The following PKN2 variants were observed in gnomAD, a reference collection of about 807,000 sequenced individuals.
The protein encoded by PKN2 is protein kinase N2.
In PKN2, 38 loss-of-function variants were observed where a neutral mutation model predicts 119.1. That is an observed-to-expected ratio of 0.32 (90% confidence interval 0.25 to 0.42). The LOEUF (loss-of-function observed/expected upper bound fraction) is 0.42, where lower values mean the gene tolerates loss of function less well. Among genes scored for constraint, PKN2 ranks in the 10% least tolerant of loss-of-function variants. PKN2 has a pLI of 1.00. For synonymous variants in PKN2, 390 were observed against 384.9 expected (o/e 1.01, Z -0.15); for missense variants, 850 against 1,165.1 (o/e 0.73, Z 3.94).
At chr1:88,789,085 A>G (rs1670701553) in intron 8 of PKN2, among the ~76,000 whole-genome samples, 1 of 152,204 alleles carries the variant, frequency 6.6e-6, no homozygotes, top group Non-Finnish European at 1.5e-5. Flanking sequence ...AGTGTTGTTA[A>G]GAGCAGAACT....
At chr1:88,711,269 G>A (rs1667224286) in intron 1 of PKN2, among the ~76,000 whole-genome samples, 1 of 151,560 alleles carries the variant, frequency 6.6e-6, no homozygotes, top group Non-Finnish European at 1.5e-5. Context: ...TAACAAACCT[G>A]CACTTGTACC....
chr1:88,761,780 A>T (rs572185929), intron 3 of PKN2, among the ~76,000 whole-genome samples: 1 of 152,174 alleles, frequency 6.6e-6, no homozygotes, highest in South Asian at 2.1e-4. Flanking sequence ...TTTACTTATG[A>T]TGTGATATTT....
intron 8 of PKN2, among the ~76,000 whole-genome samples, chr1:88,796,450 G>A (rs1301278701): frequency 6.6e-6 from 1 of 151,998 alleles, no homozygotes; most frequent in Admixed American, 6.6e-5. Context: ...ACTTATCTCT[G>A]CCCATGTTTT....
At chr1:88,688,127 C>A (rs1460961126) in intron 1 of PKN2, among the ~76,000 whole-genome samples, 2 of 151,992 alleles carry the variant, frequency 1.3e-5, no homozygotes, top group African/African-American at 4.8e-5. Flanking sequence ...GCACTGTCAC[C>A]CAGGCTAGAG....
At chr1:88,760,124 C>T (rs1570589285) in intron 2 of PKN2, 98 bp from the exon 3 acceptor site, 2 of 668,520 alleles carry the variant, frequency 3.0e-6, no homozygotes, top group South Asian at 1.8e-5. Context: ...AGGCTCATCT[C>T]AAAGTTTGAA....
chr1:88,791,974 A>G (rs1670859814), intron 8 of PKN2, among the ~76,000 whole-genome samples: 1 of 152,310 alleles, frequency 6.6e-6, no homozygotes, highest in African/African-American at 2.4e-5. Context: ...AGATACTTTT[A>G]ATTTTTTACA....
At chr1:88,697,241 T>C (rs1050764242) in intron 1 of PKN2, among the ~76,000 whole-genome samples, 1 of 152,166 alleles carries the variant, frequency 6.6e-6, no homozygotes, top group Non-Finnish European at 1.5e-5. Flanking sequence ...AACTAGGTCT[T>C]ACTCCTCTTT....
At chr1:88,757,092 G>GT (rs1177123415) in intron 2 of PKN2, among the ~76,000 whole-genome samples, 7 of 151,940 alleles carry the variant, frequency 4.6e-5, no homozygotes, top group Admixed American at 4.6e-4. Flanking sequence ...TTTTATATCA[G>GT]TTTTTTGGAG....
intron 16 of PKN2, among the ~76,000 whole-genome samples, chr1:88,819,708 C>T (rs748251026): frequency 4.6e-5 from 7 of 152,116 alleles, no homozygotes; most frequent in Non-Finnish European, 8.8e-5. Flanking sequence ...CACATGCACA[C>T]GTATGTTTAT....
intron 1 of PKN2, among the ~76,000 whole-genome samples, chr1:88,729,443 G>A (rs1179271686): frequency 6.6e-6 from 1 of 152,254 alleles, no homozygotes; most frequent in East Asian, 1.9e-4. Context: ...TATTCAGCTG[G>A]TGGCTAAGCT....
At position 88,721,925 on chromosome 1, in the gene PKN2, A is replaced by G. The variant is rs535300262; in HGVS notation, c.49-19063A>G. Among the ~76,000 whole-genome samples, 11 of 152,296 alleles carry G rather than the reference A, an allele frequency of 7.2e-5. No homozygotes were observed. The South Asian group carries it at 2.3e-3, about 32-fold the overall frequency. On this transcript the variant is annotated intron_variant, in intron 1 of 21. Transcript: ENST00000370521. ...GAATTTTCTGAGGTCAGTTGCTTTC[A>G]TCAGGATCCCATACAAATCTACATT...
At chr1:88,753,696 G>A (rs1048159865) in intron 2 of PKN2, among the ~76,000 whole-genome samples, 1 of 138,320 alleles carries the variant, frequency 7.2e-6, no homozygotes, top group African/African-American at 3.1e-5. Flanking sequence ...GAGTGGGAGG[G>A]GCTACACACT....
At chr1:88,822,788 A>AG (rs1346476655) in intron 17 of PKN2, among the ~76,000 whole-genome samples, 2 of 152,124 alleles carry the variant, frequency 1.3e-5, no homozygotes, top group Non-Finnish European at 2.9e-5. Context: ...CATGTTGGCC[A>AG]GGCTGGTCTT....
At chr1:88,804,739 TG>T in intron 9 of PKN2, 106 bp from the exon 10 acceptor site, 2 of 749,050 alleles carry the variant, frequency 2.7e-6, no homozygotes, top group African/African-American at 3.6e-5. Context: ...AATGAGGGGC[TG>T]GACTAAACTG....
intron 17 of PKN2, among the ~76,000 whole-genome samples, chr1:88,822,456 G>C (rs1364466115): frequency 6.6e-6 from 1 of 152,046 alleles, no homozygotes; most frequent in Non-Finnish European, 1.5e-5. Context: ...GCTGATCTCT[G>C]TAATTCGTGG....
chr1:88,827,018 C>T (rs1672526718), intron 18 of PKN2, among the ~76,000 whole-genome samples: 2 of 151,676 alleles, frequency 1.3e-5, no homozygotes, highest in Non-Finnish European at 1.5e-5. Flanking sequence ...CTAATTGTGC[C>T]CTTCAGGTCT....
Position 88,834,193 on chromosome 1 carries a change from T to C in PKN2, c.*745T>C, listed in dbSNP as rs1484891703. The C allele has an allele frequency of 1.3e-5, 2 of 152,054 alleles. No individual in the cohort carries two copies. The highest frequency in any genetic ancestry group is 4.8e-5 in the African/African-American group (2 of 41,428). The allele number at this position is 152,054 out of a possible 1,614,324, so 9.4% of individuals were successfully genotyped here. A position where few individuals can be genotyped will look rare whatever the true frequency, so the allele number is the denominator to read the frequency against. ...TTAAGATGTTAAGAATGAGGACTTT[T>C]AATCAGCCGAACCAAGATATTGTTA... On this transcript the variant is annotated 3_prime_UTR_variant, in exon 22 of 22. Transcript: ENST00000370521.
At chr1:88,780,839 A>T in intron 6 of PKN2, among the ~76,000 whole-genome samples, 1 of 152,190 alleles carries the variant, frequency 6.6e-6, no homozygotes, top group Admixed American at 6.5e-5. Flanking sequence ...ATTTTGAATA[A>T]CAATATTTCT....
chr1:88,818,347 A>T (rs1417196732), intron 16 of PKN2, among the ~76,000 whole-genome samples: 2 of 152,196 alleles, frequency 1.3e-5, no homozygotes, highest in African/African-American at 4.8e-5. Context: ...TCTTCACAGA[A>T]TTAGAAAAAA....
Sources: gnomAD v4.1 joint callset for allele counts (sites outside exome capture counted in the v4.1 genomes callset) on GRCh38, gnomAD v4.1.1 for gene constraint, MANE v1.5 for transcripts, NCBI Gene and HGNC (gene_info 2026-07-23, HGNC 2026-07-21) for gene names.